LHX2: variants seen among roughly 807,000 people sequenced by gnomAD.
The protein encoded by LHX2 is LIM/homeobox protein Lhx2.
In LHX2, 6 loss-of-function variants were observed where a neutral mutation model predicts 33.0. The ratio of observed to expected loss-of-function variants is 0.18; its 90% CI spans 0.10 to 0.36. LHX2 has a LOEUF of 0.36. Among genes scored for constraint, LHX2 ranks in the 10% least tolerant of loss-of-function variants. LHX2 has a pLI of 1.00. For missense variants in LHX2, 442 were observed against 586.2 expected (o/e 0.75, Z 2.54); for synonymous variants, 292 against 253.1 (o/e 1.15, Z -1.46).
rs1205787734 is a variant in LHX2 at position 124,015,618 on chromosome 9, G to A, written c.727+93G>A. 4.5e-6 allele frequency: 6 copies of A among 1,346,088 alleles called. No individual in the cohort carries two copies. The highest frequency in any genetic ancestry group is 4.4e-5 in the African/African-American group (3 of 67,596). The allele number at this position is 1,346,088 out of a possible 1,614,324, so 83.4% of individuals were successfully genotyped here. ...GCTGGATTGAATCTCTGTGTGCTGG[G>A]CAAATAGCGAGCCTTAAGCACCGGA... On this transcript the variant is annotated intron_variant, in intron 3 of 4. Coordinates refer to ENST00000373615, the MANE Select transcript of LHX2 (RefSeq NM_004789.4). This position sits in a 1 kb window ranked among gnomAD's most constrained non-coding sequence, Gnocchi z 7.9.
At chr9:124,018,673 C>T (rs898423788) in intron 3 of LHX2, among the ~76,000 whole-genome samples, 4 of 152,178 alleles carry the variant, frequency 2.6e-5, no homozygotes, top group African/African-American at 4.8e-5. Flanking sequence ...CTTTCCCCTC[C>T]GCTCTCCCTA....
rs560870136 is a variant in LHX2, at chr9:124,025,527, TTTCC to T, written c.933+4233_933+4236del. ...CCACATAGAAGTCTCTCTGAGTTGC[TTTCC>T]TTCCTTCCTGTGGAAGGGCCAGGGA... is the stretch of plus-strand genomic sequence containing the variant. On this transcript the variant is annotated intron_variant, in intron 4 of 4. Transcript: ENST00000373615. Among the ~76,000 whole-genome samples, 272 of 152,090 alleles carry T rather than the reference TTTCC, an allele frequency of 1.8e-3. 1 individual carries two copies. Among genetic ancestry groups the T allele is most frequent in the African/African-American group, 6.2e-3 (257 of 41,448 alleles).
At chr9:124,025,322 TC>T (rs1165791194) in intron 4 of LHX2, among the ~76,000 whole-genome samples, 2 of 151,524 alleles carry the variant, frequency 1.3e-5, no homozygotes, top group Non-Finnish European at 2.9e-5. Flanking sequence ...GTGCCTGTAG[TC>T]CCAGCTGCTG....
At chr9:124,018,120 C>T (rs1006319119) in intron 3 of LHX2, among the ~76,000 whole-genome samples, 1 of 152,088 alleles carries the variant, frequency 6.6e-6, no homozygotes, top group Non-Finnish European at 1.5e-5. Context: ...CCTACAATCT[C>T]GTCTTTAGTA....
chr9:124,019,149 C>G (rs919799093), intron 3 of LHX2, among the ~76,000 whole-genome samples: 3 of 152,194 alleles, frequency 2.0e-5, no homozygotes, highest in Admixed American at 2.0e-4. Context: ...TTGCCGGACC[C>G]GCGCTCTTCA....
intron 4 of LHX2, among the ~76,000 whole-genome samples, chr9:124,026,465 A>AC (rs1278175125): frequency 1.3e-5 from 2 of 152,012 alleles, no homozygotes; most frequent in East Asian, 3.8e-4. Flanking sequence ...TGTCTCAAAA[A>AC]AAAAAAAAAA....
At chr9:124,021,913 G>C (rs1859300160) in intron 4 of LHX2, 1 of 153,114 alleles carries the variant, frequency 6.5e-6, no homozygotes, top group African/African-American at 2.4e-5. Flanking sequence ...GGGTGGGCAG[G>C]TGGGGGCGGG....
At chr9:124,017,894 G>C (rs955484631) in intron 3 of LHX2, among the ~76,000 whole-genome samples, 54 of 152,062 alleles carry the variant, frequency 3.6e-4, no homozygotes, top group African/African-American at 1.3e-3. Context: ...CCTACCCCGG[G>C]AGGGGCTGCC....
chr9:124,015,155 C>G lies in LHX2; in HGVS notation c.357C>G (p.His119Gln). 6.2e-7 allele frequency: 1 copy of G among 1,613,950 alleles called. No individual in the cohort carries two copies. Among genetic ancestry groups the G allele is most frequent in the Non-Finnish European group, 8.5e-7 (1 of 1,180,048 alleles). ...CTGTGCAGCGCTGCGCCCGCTGCCA[C>G]CTGGGCATCTCGGCCTCGGAGATGG... ...RFSVQRCARC[H>Q]LGISASEMVM... The change falls in exon 3 of 5, where the codon CAC becomes CAG. Residue 119 changes from histidine (H) to glutamine (Q), a missense_variant. Physicochemically the swap from His to Gln is conservative, Grantham distance 24. Around this residue, in one of 5 missense-constraint regions of LHX2, gnomAD observed 72 missense variants for 171.6 expected, o/e 0.42. Coordinates refer to ENST00000373615, the MANE Select transcript of LHX2 (RefSeq NM_004789.4). This position sits in a 1 kb window ranked among gnomAD's most constrained non-coding sequence, Gnocchi z 7.9.
At chr9:124,029,660 C>T (rs1321311234) in intron 4 of LHX2, among the ~76,000 whole-genome samples, 1 of 152,144 alleles carries the variant, frequency 6.6e-6, no homozygotes, top group South Asian at 2.1e-4. Context: ...CTTGGAGCCC[C>T]GGATGGATGA....
Position 124,013,996 on chromosome 9 carries a change from G to A in LHX2, c.156G>A (p.Leu52=). ...CCATCAGCAGTGACCGCGCCGCGCT[G>A]TGCGCCGGCTGCGGGGGCAAGATCT... The part of the protein sequence containing the change: ...MPSISSDRAA[L]CAGCGGKISD... Residue 52 remains leucine (L), a synonymous_variant, in exon 2 of 5, where the codon CTG becomes CTA. Transcript: ENST00000373615. 1 of 1,613,394 alleles carries A rather than the reference G, an allele frequency of 6.2e-7. No homozygotes were observed. The highest frequency in any genetic ancestry group is 8.5e-7 in the Non-Finnish European group (1 of 1,180,024).
chr9:124,017,748 C>T (rs947230363), intron 3 of LHX2, among the ~76,000 whole-genome samples: 3 of 151,756 alleles, frequency 2.0e-5, no homozygotes, highest in Admixed American at 6.5e-5. Context: ...GGGGAGGGGG[C>T]GCCGTCGGGG....
At position 124,021,118 on chromosome 9, in the gene LHX2, C is replaced by G. The variant is rs1456308379; in HGVS notation, c.747C>G (p.Asn249Lys). 3 of 1,613,936 alleles carry G rather than the reference C, an allele frequency of 1.9e-6. No homozygotes were observed. Among genetic ancestry groups the G allele is most frequent in the Admixed American group, 1.7e-5 (1 of 59,992 alleles). The change falls in exon 4 of 5, where the codon AAC becomes AAG. Residue 249 changes from asparagine (N) to lysine (K), a missense_variant. This residue lies in a region of LHX2 where 132 missense variants were observed against 139.1 expected (regional missense o/e 0.95). Coordinates refer to ENST00000373615, the MANE Select transcript of LHX2 (RefSeq NM_004789.4). The stretch of plus-strand genomic sequence containing the variant: ...CCCTAGCGCTAAGCTGCAACGAAAA[C>G]GACGCAGAGCACCTGGACCGTGACC... Reference protein sequence around the residue: ...AYNAALSCNENDAEHLDRDQP... With the variant: ...AYNAALSCNEKDAEHLDRDQP...
chr9:124,018,987 G>A (rs1859245822), intron 3 of LHX2, among the ~76,000 whole-genome samples: 1 of 152,244 alleles, frequency 6.6e-6, no homozygotes, highest in South Asian at 2.1e-4. Flanking sequence ...CGGGGGCTCG[G>A]TGGAGGGATG....
At position 124,032,291 on chromosome 9, in the gene LHX2, T is replaced by C. The variant is rs1828711916; in HGVS notation, c.934-129T>C. On this transcript the variant is annotated intron_variant, in intron 4 of 4. Transcript: ENST00000373615. This position sits in a 1 kb window ranked among gnomAD's most constrained non-coding sequence, Gnocchi z 4.1. The stretch of plus-strand genomic sequence containing the variant: ...CCAAAAAAGCAAAATATTGCCAACC[T>C]GACTTTTTGGATCCTCTTGGCAAAA... 1.7e-6 allele frequency: 2 copies of C among 1,175,576 alleles called. No homozygotes were observed. Among genetic ancestry groups the C allele is most frequent in the Admixed American group, 2.6e-5 (1 of 38,342 alleles). 72.8% of individuals were successfully genotyped at this position (1,175,576 alleles called of 1,614,324 possible).
intron 3 of LHX2, among the ~76,000 whole-genome samples, chr9:124,020,261 A>C (rs1359488988): frequency 6.6e-6 from 1 of 151,840 alleles, no homozygotes; most frequent in African/African-American, 2.4e-5. Flanking sequence ...TGTCTACTAC[A>C]TGTTTATTTC....
At chr9:124,020,202 G>A (rs1859268198) in intron 3 of LHX2, among the ~76,000 whole-genome samples, 1 of 152,160 alleles carries the variant, frequency 6.6e-6, no homozygotes. Flanking sequence ...ACCTCTCTGA[G>A]AGGTAATGAT....
chr9:124,025,351 G>A (rs1186873834), intron 4 of LHX2, among the ~76,000 whole-genome samples: 4 of 150,050 alleles, frequency 2.7e-5, no homozygotes, highest in African/African-American at 7.4e-5. Flanking sequence ...TGAGGCAGGA[G>A]AATGGCGTGA....
intron 4 of LHX2, among the ~76,000 whole-genome samples, chr9:124,024,259 C>T (rs946440449): frequency 6.6e-5 from 10 of 152,364 alleles, no homozygotes; most frequent in African/African-American, 2.2e-4. Context: ...TTTCCAGCCA[C>T]GTATCTACCT....
Sources: allele counts gnomAD v4.1 joint callset (sites outside exome capture counted in the v4.1 genomes callset), GRCh38; gene constraint gnomAD v4.1.1; regional missense constraint gnomAD v4.1.1; non-coding constraint Gnocchi (gnomAD v3.1); transcripts MANE v1.5; gene names NCBI Gene and HGNC (gene_info 2026-07-23, HGNC 2026-07-21).